The following APBB2 variants were observed in gnomAD, a reference collection of about 807,000 sequenced individuals.
The protein encoded by APBB2 is amyloid beta precursor protein binding family B member 2.
In APBB2, 38 loss-of-function variants were observed where a neutral mutation model predicts 82.5. The observed-to-expected ratio is 0.46, with a 90% confidence interval of 0.36 to 0.60. The LOEUF (loss-of-function observed/expected upper bound fraction) is 0.60. Ranked by LOEUF, APBB2 falls within the 20% of genes least tolerant of loss-of-function variation. The probability of loss-of-function intolerance (pLI) is 0.00; values close to 1 mark genes in which losing one functional copy is unlikely to be tolerated. For missense variants in APBB2, 772 were observed against 972.3 expected, an observed-to-expected ratio of 0.79 and a Z score of 2.74; for synonymous variants, 341 against 368.2, an observed-to-expected ratio of 0.93 and a Z score of 0.85.
intron 1 of APBB2, among the ~76,000 whole-genome samples, chr4:41,160,004 A>G (rs1430078046): frequency 1.3e-5 from 2 of 150,026 alleles, no homozygotes. Context: ...AAGAAGAAGA[A>G]GAAGAAGAAG....
rs192226327 is a variant in APBB2 at position 40,926,611 on chromosome 4, C to T, written c.1254+7845G>A. Among the ~76,000 whole-genome samples the T allele has an allele frequency of 3.2e-4, 48 of 152,334 alleles. No individual in the cohort carries two copies. The East Asian group carries it at 8.3e-3, about 26-fold the overall frequency. On this transcript the variant is annotated intron_variant, in intron 10 of 17. Transcript: ENST00000508593. ...GGATGACAGGCATGTGCCACCACGC[C>T]CAGCTAATTTTTGTGTCTTTAGTAG... is the stretch of plus-strand genomic sequence containing the variant.
intron 1 of APBB2, among the ~76,000 whole-genome samples, chr4:41,205,892 T>A (rs1047802358): frequency 2.6e-5 from 4 of 152,194 alleles, no homozygotes; most frequent in African/African-American, 7.2e-5. Flanking sequence ...TCTGTTGCCC[T>A]TTGTCATATG....
At chr4:41,100,591 G>A (rs1012966302) in intron 3 of APBB2, 48 bp downstream of exon 3, 11 of 152,098 alleles carry the variant, frequency 7.2e-5, no homozygotes, top group Non-Finnish European at 1.5e-5. Context: ...TTAACTTTCT[G>A]AGAGAGGTAT....
rs1749380417 is a variant in APBB2, at chr4:40,824,955, CGTAATCACACAGTAT to C, written c.1816+917_1816+931del. On this transcript the variant is annotated intron_variant, in intron 15 of 17. Transcript: ENST00000508593. ...GCCTATTTTGGGCGTTTCATATGAA[CGTAATCACACAGTAT>C]GCAGTCTTTTGGGACTGACTTCCCT... is the stretch of plus-strand genomic sequence containing the variant. Among the ~76,000 whole-genome samples, 4 of 152,286 alleles carry C rather than the reference CGTAATCACACAGTAT, an allele frequency of 2.6e-5. No homozygotes were observed. In the South Asian group the frequency reaches 8.3e-4, roughly 32 times the overall value.
intron 12 of APBB2, among the ~76,000 whole-genome samples, chr4:40,859,287 ATTT>A (rs34512213): frequency 4.2e-5 from 6 of 141,952 alleles, no homozygotes; most frequent in Non-Finnish European, 3.1e-5. Flanking sequence ...GGCTGCTGTC[ATTT>A]TTTTTTTTTT....
intron 12 of APBB2, among the ~76,000 whole-genome samples, chr4:40,865,660 A>G (rs751684563): frequency 6.6e-6 from 1 of 152,208 alleles, no homozygotes; most frequent in Non-Finnish European, 1.5e-5. Context: ...GATGTACAAG[A>G]GTTTGTGTAT....
chr4:40,913,595 C>T (rs569136954), intron 10 of APBB2, among the ~76,000 whole-genome samples: 28 of 152,284 alleles, frequency 1.8e-4, no homozygotes, highest in South Asian at 1.0e-3. Context: ...GGTGCTTTTG[C>T]GGTCATTTGT....
At chr4:40,816,406 G>C (rs1745658712) in intron 17 of APBB2, 147 bp from the exon 18 acceptor site, 1 of 898,690 alleles carries the variant, frequency 1.1e-6, no homozygotes, top group South Asian at 1.8e-5. Context: ...ATTTTTCTCT[G>C]AATGTGAGTG....
At position 40,827,238 on chromosome 4, in the gene APBB2, A is replaced by G; in HGVS notation, c.1645-19T>C. ...CCATAATCTAAGGGGGAAAAAGTGC[A>G]GCTTTGGAGCGTGGGTTCAAGCCCC... is the stretch of plus-strand genomic sequence containing the variant. On this transcript the variant is annotated intron_variant, in intron 13 of 17. Transcript: ENST00000508593. 1 of 1,612,406 alleles carries G rather than the reference A, an allele frequency of 6.2e-7. No individual in the cohort carries two copies. The highest frequency in any genetic ancestry group is 8.5e-7 in the Non-Finnish European group (1 of 1,178,462).
chr4:41,088,802 C>T (rs1171815617), intron 3 of APBB2, among the ~76,000 whole-genome samples: 1 of 152,118 alleles, frequency 6.6e-6, no homozygotes, highest in Non-Finnish European at 1.5e-5. Flanking sequence ...GAATTAAGGA[C>T]ATGTTTCCAG....
In APBB2 at chr4:40,890,261, A is replaced by T. The variant is rs1771582984; in HGVS notation, c.1529+103T>A. ...TTTCACATTTCTATATAGAAGCTAC[A>T]TGAGTTTCGTATTCCGTGAAATGCT... is the stretch of plus-strand genomic sequence containing the variant. On this transcript the variant is annotated intron_variant, in intron 12 of 17. Transcript: ENST00000508593. 7.6e-6 allele frequency: 11 copies of T among 1,441,442 alleles called. No individual in the cohort carries two copies. In the African/African-American group the frequency reaches 1.6e-4, roughly 21 times the overall value. The allele number at this position is 1,441,442 out of a possible 1,614,324, so 89.3% of individuals were successfully genotyped here.
intron 6 of APBB2, among the ~76,000 whole-genome samples, chr4:40,956,187 T>C (rs1578733311): frequency 1.3e-5 from 2 of 152,158 alleles, no homozygotes; most frequent in African/African-American, 2.4e-5. Flanking sequence ...GTTGTCAGAA[T>C]ATAGCAAGCA....
intron 3 of APBB2, among the ~76,000 whole-genome samples, chr4:41,086,150 T>G (rs1417334440): frequency 6.6e-6 from 1 of 152,062 alleles, no homozygotes; most frequent in Admixed American, 6.6e-5. Context: ...AACACAGACC[T>G]ATAACCAGCA....
chr4:40,887,763 C>T (rs886341558), intron 12 of APBB2, among the ~76,000 whole-genome samples: 1 of 152,130 alleles, frequency 6.6e-6, no homozygotes, highest in African/African-American at 2.4e-5. Context: ...GGAACCCTCC[C>T]ATGATCTCGC....
At chr4:41,074,914 C>T (rs1187972986) in intron 3 of APBB2, among the ~76,000 whole-genome samples, 1 of 151,912 alleles carries the variant, frequency 6.6e-6, no homozygotes, top group African/African-American at 2.4e-5. Context: ...TTTGGGAGGC[C>T]GAGGTAAGTG....
At chr4:40,996,241 T>C (rs994826135) in intron 6 of APBB2, among the ~76,000 whole-genome samples, 5 of 152,242 alleles carry the variant, frequency 3.3e-5, no homozygotes, top group African/African-American at 7.2e-5. Context: ...TATGGCTAAG[T>C]TGAATTTAAT....
chr4:40,939,484 T>C (rs1282256093), intron 7 of APBB2, among the ~76,000 whole-genome samples: 1 of 152,244 alleles, frequency 6.6e-6, no homozygotes. Context: ...CAATGCCATT[T>C]TGTCAAGGCT....
chr4:41,179,579 C>T (rs1770779293), intron 1 of APBB2, among the ~76,000 whole-genome samples: 1 of 152,152 alleles, frequency 6.6e-6, no homozygotes, highest in African/African-American at 2.4e-5. Flanking sequence ...TCTCACGCTT[C>T]TAGATTACCA....
chr4:40,819,734 T>C (rs1200052750), intron 17 of APBB2, among the ~76,000 whole-genome samples: 1 of 152,206 alleles, frequency 6.6e-6, no homozygotes, highest in East Asian at 1.9e-4. Flanking sequence ...TGGCAAACTT[T>C]GTAAGTTATC....
Sources: allele counts gnomAD v4.1 joint callset (sites outside exome capture counted in the v4.1 genomes callset), GRCh38; gene constraint gnomAD v4.1.1; transcripts MANE v1.5; gene names NCBI Gene and HGNC (gene_info 2026-07-23, HGNC 2026-07-21).